Variants in QTMAN observed in about 807,000 individuals in gnomAD.
The protein encoded by QTMAN is queuosine-tRNA mannosyltransferase, also known as tRNA-queuosine alpha-mannosyltransferase.
chr2:143,957,331 A>C, the QTMAN span: 2 of 1,582,804 alleles, frequency 1.3e-6, no homozygotes, highest in Non-Finnish European at 1.7e-6. Flanking sequence ...TTGGCCTCTG[A>C]AAAAATATCT....
chr2:143,991,939 A>G, the QTMAN span, among the ~76,000 whole-genome samples: 68 of 121,004 alleles, frequency 5.6e-4, no homozygotes, highest in Middle Eastern at 5.1e-3. Context: ...CCGGCCAGCC[A>G]CCTCTTCCGG....
chr2:144,332,313 T>C, the QTMAN span: 3 of 149,694 alleles, frequency 2.0e-5, no homozygotes. Context: ...CAGCCGCCGC[T>C]GCTGCCCCTC....
the QTMAN span, among the ~76,000 whole-genome samples, chr2:144,169,778 A>G: frequency 3.3e-5 from 5 of 152,072 alleles, no homozygotes; most frequent in African/African-American, 7.2e-5. Context: ...GATTATATAC[A>G]ATATCTACTC....
the QTMAN span, among the ~76,000 whole-genome samples, chr2:143,987,769 A>G: frequency 8.7e-4 from 133 of 152,296 alleles, no homozygotes; most frequent in Non-Finnish European, 1.4e-3. Flanking sequence ...TGAGAAGACA[A>G]ACAATTATTT....
chr2:144,102,265 C>T, the QTMAN span, among the ~76,000 whole-genome samples: 1 of 152,170 alleles, frequency 6.6e-6, no homozygotes, highest in Admixed American at 6.5e-5. Flanking sequence ...AATCTACCTA[C>T]CCATCTTCGT....
chr2:144,247,631 G>A, the QTMAN span, among the ~76,000 whole-genome samples: 23 of 152,178 alleles, frequency 1.5e-4, no homozygotes, highest in Non-Finnish European at 1.8e-4. Context: ...ATAATGACTA[G>A]AGGAAACAGA....
chr2:143,972,720 C>T, the QTMAN span, among the ~76,000 whole-genome samples: 1 of 152,052 alleles, frequency 6.6e-6, no homozygotes. Flanking sequence ...GTGTGAATCC[C>T]CTCTTTTTGT....
chr2:144,245,387 CTGTT>C, the QTMAN span, among the ~76,000 whole-genome samples: 3 of 152,142 alleles, frequency 2.0e-5, no homozygotes, highest in Non-Finnish European at 4.4e-5. Context: ...TGAAAAGTCT[CTGTT>C]TGTAATGTTG....
the QTMAN span, chr2:144,237,301 T>C: frequency 6.6e-6 from 1 of 151,742 alleles, no homozygotes; most frequent in Admixed American, 6.6e-5. Context: ...TCTTAAAGAG[T>C]TGAGACCAGG....
At chr2:144,102,599 T>A in the QTMAN span, among the ~76,000 whole-genome samples, 3 of 152,200 alleles carry the variant, frequency 2.0e-5, no homozygotes, top group Non-Finnish European at 4.4e-5. Context: ...TCATGACATG[T>A]GCACTGTTGG....
chr2:144,008,670 T>C, the QTMAN span, among the ~76,000 whole-genome samples: 3 of 150,996 alleles, frequency 2.0e-5, no homozygotes, highest in Admixed American at 6.6e-5. Context: ...AGAAAAACCA[T>C]GGAAGGAGAG....
At chr2:144,088,395 C>T in the QTMAN span, among the ~76,000 whole-genome samples, 1 of 151,980 alleles carries the variant, frequency 6.6e-6, no homozygotes, top group Non-Finnish European at 1.5e-5. Context: ...GACCACATAG[C>T]CCAAAGCAGT....
chr2:144,213,941 C>T, the QTMAN span, among the ~76,000 whole-genome samples: 1 of 152,084 alleles, frequency 6.6e-6, no homozygotes, highest in Non-Finnish European at 1.5e-5. Context: ...ATATAAAAAG[C>T]AACCAACAAC....
the QTMAN span, among the ~76,000 whole-genome samples, chr2:144,019,640 C>A: frequency 2.0e-5 from 3 of 152,000 alleles, no homozygotes; most frequent in African/African-American, 2.4e-5. Flanking sequence ...GAAATCAACC[C>A]CCTTGATAAC....
the QTMAN span, among the ~76,000 whole-genome samples, chr2:144,181,375 T>C: frequency 3.3e-5 from 5 of 152,176 alleles, no homozygotes; most frequent in African/African-American, 1.2e-4. Flanking sequence ...CAAATACTAG[T>C]TTTTTAGGAA....
the QTMAN span, among the ~76,000 whole-genome samples, chr2:144,186,174 A>C: frequency 6.6e-6 from 1 of 152,230 alleles, no homozygotes; most frequent in Non-Finnish European, 1.5e-5. Context: ...ATCTCTTGAA[A>C]GATATCAAGG....
chr2:144,203,076 T>C, the QTMAN span, among the ~76,000 whole-genome samples: 2 of 151,618 alleles, frequency 1.3e-5, no homozygotes, highest in East Asian at 3.9e-4. Context: ...CAAAGAAACA[T>C]GGAAAAGATG....
the QTMAN span, among the ~76,000 whole-genome samples, chr2:144,236,991 G>A: frequency 7.2e-5 from 11 of 152,104 alleles, no homozygotes; most frequent in Non-Finnish European, 1.0e-4. Flanking sequence ...TAATCATGTC[G>A]TATATATTCT....
chr2:144,029,222 C>T, the QTMAN span, among the ~76,000 whole-genome samples: 2 of 152,104 alleles, frequency 1.3e-5, no homozygotes, highest in East Asian at 3.9e-4. Flanking sequence ...GACTAACTTC[C>T]CCAGAAAGAC....
Sources: gnomAD v4.1 joint callset for allele counts (sites outside exome capture counted in the v4.1 genomes callset) on GRCh38, gnomAD v4.1.1 for gene constraint, MANE v1.5 for transcripts, NCBI Gene and HGNC (gene_info 2026-07-23, HGNC 2026-07-21) for gene names.